The following CCDC158 variants were observed in gnomAD, a reference collection of about 807,000 sequenced individuals.
The protein encoded by CCDC158 is coiled-coil domain-containing protein 158.
Under a neutral mutation model 138.6 loss-of-function variants are expected in CCDC158, and 116 were observed. That is an observed-to-expected ratio of 0.84 (90% CI 0.72 to 0.98). The LOEUF is 0.98. Among genes scored for constraint, CCDC158 ranks in the 50% least tolerant of loss-of-function variants. CCDC158 has a pLI of 0.00. For missense variants in CCDC158, 1,265 were observed against 1,306.1 expected (o/e 0.97, Z 0.48); for synonymous variants, 436 against 442.4 (o/e 0.99, Z 0.18).
chr4:76,367,246 C>A, intron 12 of CCDC158, 48 bp downstream of exon 12: 1 of 1,571,548 alleles, frequency 6.4e-7, no homozygotes, highest in South Asian at 1.2e-5. Flanking sequence ...GTCATACCTG[C>A]TAATAAATGA....
At chr4:76,332,643 G>A (rs562647203) in intron 19 of CCDC158, 152 bp from the exon 20 acceptor site, 2 of 535,126 alleles carry the variant, frequency 3.7e-6, no homozygotes, top group Non-Finnish European at 6.6e-6. Context: ...AAAGGGCTCT[G>A]GAGTTCATCG....
chr4:76,362,939 C>G (rs1024509483), intron 12 of CCDC158, among the ~76,000 whole-genome samples: 1 of 152,146 alleles, frequency 6.6e-6, no homozygotes, highest in Non-Finnish European at 1.5e-5. Flanking sequence ...GGGGTTGCTA[C>G]TTGAGGTAAG....
rs1236951853 is a variant in CCDC158, at chr4:76,321,583, G to GTA, written c.3277+1717_3277+1718dup. Among the ~76,000 whole-genome samples, 628 of 146,144 alleles carry GTA rather than the reference G, an allele frequency of 4.3e-3. 6 individuals carry two copies. Among genetic ancestry groups the GTA allele is most frequent in the African/African-American group, 0.015 (582 of 39,986 alleles). ...ATATAGAGAGACTATTACATGGTGTGTATATATATATAATATAATATATTA... is the reference window on the plus strand; with the variant it reads ...ATATAGAGAGACTATTACATGGTGTGTATATATATATATAATATAATATATTA... On this transcript the variant is annotated intron_variant, in intron 24 of 24. Coordinates refer to ENST00000682701, the MANE Select transcript of CCDC158 (RefSeq NM_001394954.1).
At chr4:76,419,372 T>G (rs557015245) in intron 1 of CCDC158, among the ~76,000 whole-genome samples, 2 of 152,338 alleles carry the variant, frequency 1.3e-5, no homozygotes, top group South Asian at 4.1e-4. Context: ...ATGAGCACGC[T>G]CATATGTATT....
chr4:76,329,027 A>G (rs1720781219), intron 21 of CCDC158, 60 bp from the exon 22 acceptor site: 4 of 1,357,706 alleles, frequency 2.9e-6, no homozygotes, highest in Non-Finnish European at 3.2e-6. Context: ...ACTAAGATTC[A>G]TAGATAGAAG....
intron 1 of CCDC158, among the ~76,000 whole-genome samples, chr4:76,419,468 G>A (rs991015469): frequency 1.3e-5 from 2 of 152,154 alleles, no homozygotes; most frequent in Admixed American, 6.5e-5. Flanking sequence ...CTGGAGGCCA[G>A]GAATCCAAAA....
chr4:76,321,775 TAATA>T (rs1720036910), intron 24 of CCDC158, among the ~76,000 whole-genome samples: 1 of 146,128 alleles, frequency 6.8e-6, no homozygotes, highest in East Asian at 2.0e-4. Flanking sequence ...TATATATATA[TAATA>T]AATATATATA....
intron 10 of CCDC158, among the ~76,000 whole-genome samples, chr4:76,371,094 T>C (rs1725191807): frequency 6.6e-6 from 1 of 152,244 alleles, no homozygotes; most frequent in Non-Finnish European, 1.5e-5. Flanking sequence ...ACAATTTTTA[T>C]GTGTTTTGAA....
At chr4:76,376,475 T>TA (rs1404266008) in intron 9 of CCDC158, among the ~76,000 whole-genome samples, 4 of 152,200 alleles carry the variant, frequency 2.6e-5, no homozygotes, top group Non-Finnish European at 5.9e-5. Context: ...AGAGAAAAAA[T>TA]AGATTTTAAG....
chr4:76,396,135 T>A (rs1727757623), intron 4 of CCDC158, 134 bp downstream of exon 4: 1 of 521,214 alleles, frequency 1.9e-6, no homozygotes, highest in South Asian at 4.1e-5. Flanking sequence ...CAGGTCAAAT[T>A]AACAAATTTA....
intron 1 of CCDC158, among the ~76,000 whole-genome samples, chr4:76,415,962 T>G (rs1304623549): frequency 6.6e-6 from 1 of 152,352 alleles, no homozygotes; most frequent in East Asian, 1.9e-4. Flanking sequence ...CAGGCCCGCC[T>G]GCAGTTATCC....
At chr4:76,410,400 G>A (rs747271071) in intron 2 of CCDC158, among the ~76,000 whole-genome samples, 1 of 152,050 alleles carries the variant, frequency 6.6e-6, no homozygotes, top group Non-Finnish European at 1.5e-5. Flanking sequence ...GGCCAGGCTG[G>A]TCTTGAACTC....
chr4:76,383,786 C>G, intron 6 of CCDC158, 48 bp from the exon 7 acceptor site: 1 of 1,319,732 alleles, frequency 7.6e-7, no homozygotes, highest in Non-Finnish European at 1.1e-6. Context: ...AAATATAAGG[C>G]TTGGAAAATC....
At position 76,334,163 on chromosome 4, in the gene CCDC158, G is replaced by A. The variant is rs191689378; in HGVS notation, c.2669C>T (p.Ser890Phe). 6 of 1,573,196 alleles carry A rather than the reference G, an allele frequency of 3.8e-6. No individual in the cohort carries two copies. The Admixed American group carries it at 8.9e-5, about 23-fold the overall frequency. The change falls in exon 19 of 25, where the codon TCT (serine) becomes TTT (phenylalanine). Residue 890 changes from serine (S) to phenylalanine (F), a missense_variant. By Grantham distance (155) the Ser-to-Phe change is radical. Transcript: ENST00000682701. ...TTCCTTCAGTGTGTTAGCTTTTGTA[G>A]AGTGCTGAGTTAAAACAATTTACAA... ...QSTASFLSHH[S>F]TKANTLKEDP...
intron 13 of CCDC158, among the ~76,000 whole-genome samples, chr4:76,359,573 T>A (rs567257422): frequency 6.6e-6 from 1 of 152,338 alleles, no homozygotes; most frequent in Admixed American, 6.5e-5. Context: ...ATTCTTGCTA[T>A]GCTTTAGCAA....
chr4:76,386,189 T>C (rs1726766358), intron 4 of CCDC158, among the ~76,000 whole-genome samples: 1 of 152,146 alleles, frequency 6.6e-6, no homozygotes, highest in Non-Finnish European at 1.5e-5. Flanking sequence ...CACCATTCAT[T>C]CCCTAACCCC....
chr4:76,319,846 G>T (rs1037519287), intron 24 of CCDC158, among the ~76,000 whole-genome samples: 1 of 151,922 alleles, frequency 6.6e-6, no homozygotes, highest in Non-Finnish European at 1.5e-5. Context: ...TACTGAAAGG[G>T]GAAAAATTGA....
chr4:76,381,556 C>T (rs1457521961), intron 8 of CCDC158, among the ~76,000 whole-genome samples: 2 of 152,166 alleles, frequency 1.3e-5, no homozygotes, highest in Non-Finnish European at 2.9e-5. Context: ...AAATAACAAA[C>T]TTGTTTTTTA....
At chr4:76,343,041 G>A (rs184074813) in intron 18 of CCDC158, among the ~76,000 whole-genome samples, 168 of 152,250 alleles carry the variant, frequency 1.1e-3, no homozygotes, top group Non-Finnish European at 2.1e-3. Flanking sequence ...TTTGGGTAAG[G>A]TTGAACCAAA....
Sources: allele counts gnomAD v4.1 joint callset (sites outside exome capture counted in the v4.1 genomes callset), GRCh38; gene constraint gnomAD v4.1.1; transcripts MANE v1.5; gene names NCBI Gene and HGNC (gene_info 2026-07-23, HGNC 2026-07-21).